The following OSBPL10 variants were observed in gnomAD, a reference collection of about 807,000 sequenced individuals.
The protein encoded by OSBPL10 is oxysterol-binding protein-related protein 10.
A neutral mutation model predicts 81.7 loss-of-function variants in OSBPL10; 49 were observed. The ratio of observed to expected loss-of-function variants is 0.60; its 90% confidence interval spans 0.48 to 0.76. The LOEUF (loss-of-function observed/expected upper bound fraction) is 0.76, where lower values mean the gene tolerates loss of function less well. OSBPL10 is among the 30% of genes least tolerant of loss of function. The probability of loss-of-function intolerance (pLI) is 0.00; values close to 1 mark genes in which losing one functional copy is unlikely to be tolerated. For missense variants in OSBPL10, 923 were observed against 987.8 expected (o/e 0.93, Z 0.88); for synonymous variants, 419 against 383.6 (o/e 1.09, Z -1.08).
At chr3:31,837,519 T>C (rs1292860641) in intron 3 of OSBPL10, among the ~76,000 whole-genome samples, 1 of 151,392 alleles carries the variant, frequency 6.6e-6, no homozygotes, top group African/African-American at 2.4e-5. Flanking sequence ...AAGTCATATT[T>C]AAGTTTTAAC....
At chr3:31,818,008 AG>A (rs1338320078) in intron 4 of OSBPL10, among the ~76,000 whole-genome samples, 1 of 152,124 alleles carries the variant, frequency 6.6e-6, no homozygotes, top group Non-Finnish European at 1.5e-5. Flanking sequence ...TGAGAGGCTG[AG>A]GTAGGAGGAT....
intron 6 of OSBPL10, among the ~76,000 whole-genome samples, chr3:31,719,939 G>T (rs751266709): frequency 1.3e-5 from 2 of 151,472 alleles, no homozygotes; most frequent in South Asian, 4.1e-4. Context: ...CAATCTCTAC[G>T]TACTGACAAG....
chr3:32,021,121 TTACCTCTTTA>T (rs142460123), intron 2 of OSBPL10, among the ~76,000 whole-genome samples: 23,488 of 152,064 alleles, frequency 0.15, 2,564 homozygotes, highest in East Asian at 0.32. Context: ...TTAACCTTAA[TTACCTCTTTA>T]AAAGCCCTGT....
At chr3:31,720,963 T>C (rs1040335560) in intron 6 of OSBPL10, among the ~76,000 whole-genome samples, 5 of 151,468 alleles carry the variant, frequency 3.3e-5, no homozygotes, top group Non-Finnish European at 7.4e-5. Flanking sequence ...GAAATTAAGG[T>C]TGCAAATGGA....
chr3:32,032,984 A>G (rs1575089316), intron 2 of OSBPL10, among the ~76,000 whole-genome samples: 1 of 152,236 alleles, frequency 6.6e-6, no homozygotes, highest in African/African-American at 2.4e-5. Flanking sequence ...CAGTCATTCC[A>G]GTTATTAATG....
chr3:32,033,470 C>T (rs1290616005), intron 2 of OSBPL10, among the ~76,000 whole-genome samples: 1 of 152,126 alleles, frequency 6.6e-6, no homozygotes, highest in Non-Finnish European at 1.5e-5. Flanking sequence ...TATCTCCTTT[C>T]TAGTAAAAGG....
chr3:31,671,038 G>T, intron 8 of OSBPL10, 55 bp from the exon 9 acceptor site: 2 of 1,469,186 alleles, frequency 1.4e-6, no homozygotes, highest in Non-Finnish European at 9.2e-7. Context: ...GAGGGCACTG[G>T]GGATCAGAAG....
chr3:31,661,469 C>G lies in OSBPL10; in HGVS notation c.*603G>C, dbSNP rs536006127. 1 of 152,348 alleles carries G rather than the reference C, an allele frequency of 6.6e-6. No individual in the cohort carries two copies. Among genetic ancestry groups the G allele is most frequent in the South Asian group, 2.1e-4 (1 of 4,824 alleles). The allele number at this position is 152,348 out of a possible 1,614,324, so 9.4% of individuals were successfully genotyped here. On this transcript the variant is annotated 3_prime_UTR_variant, in exon 12 of 12. Coordinates refer to ENST00000396556, the MANE Select transcript of OSBPL10 (RefSeq NM_017784.5). The stretch of plus-strand genomic sequence containing the variant: ...AGGCTCTGGCATAAATCTTTAACAG[C>G]TTCCTGCCAACCCCCATCCAGCAGG...
chr3:32,026,472 T>C (rs914420056), intron 2 of OSBPL10, among the ~76,000 whole-genome samples: 4 of 152,170 alleles, frequency 2.6e-5, no homozygotes, highest in Admixed American at 2.0e-4. Flanking sequence ...CTTCTTACTA[T>C]AGCTGGAGGA....
chr3:31,674,398 TTTTAAAAAAAA>T (rs1559409101), intron 8 of OSBPL10, among the ~76,000 whole-genome samples: 1 of 149,432 alleles, frequency 6.7e-6, no homozygotes, highest in African/African-American at 2.4e-5. Flanking sequence ...TATAAAAAAA[TTTTAAAAAAAA>T]ATTAGCTGTG....
chr3:31,850,437 C>T (rs1038891684), intron 3 of OSBPL10, among the ~76,000 whole-genome samples: 2 of 152,154 alleles, frequency 1.3e-5, no homozygotes, highest in Non-Finnish European at 1.5e-5. Context: ...TATGACCCCA[C>T]TTCCCCCTTT....
chr3:32,067,722 T>C (rs1699790485), intron 1 of OSBPL10, among the ~76,000 whole-genome samples: 1 of 152,158 alleles, frequency 6.6e-6, no homozygotes, highest in East Asian at 1.9e-4. Flanking sequence ...CCCTTGAGAA[T>C]GTACCTTGTG....
At position 31,749,952 on chromosome 3, in the gene OSBPL10, G is replaced by A. The variant is rs191574180; in HGVS notation, c.730-1832C>T. On this transcript the variant is annotated intron_variant, in intron 4 of 11. Transcript: ENST00000396556. The stretch of plus-strand genomic sequence containing the variant: ...TCCCAACACTTTGGGAGGCTAAGGC[G>A]GGTGGATCACTTGAGGTCAGGAGTT... 2.1e-3 allele frequency among the ~76,000 whole-genome samples: 322 copies of A among 151,940 alleles called. 5 individuals are homozygous for A. Among genetic ancestry groups the A allele is most frequent in the Admixed American group, 0.018 (268 of 15,272 alleles).
At chr3:31,794,988 T>C (rs949307920) in intron 4 of OSBPL10, 6 of 286,112 alleles carry the variant, frequency 2.1e-5, no homozygotes, top group Non-Finnish European at 4.4e-5. Context: ...TTATCTCTTA[T>C]GAGGTTGGGA....
At chr3:31,849,922 T>C (rs1192999740) in intron 3 of OSBPL10, among the ~76,000 whole-genome samples, 2 of 152,144 alleles carry the variant, frequency 1.3e-5, no homozygotes, top group Non-Finnish European at 2.9e-5. Flanking sequence ...CCCAGCACTT[T>C]GGGAGACCGA....
chr3:31,705,124 C>T (rs979038656), intron 6 of OSBPL10, among the ~76,000 whole-genome samples: 3 of 152,148 alleles, frequency 2.0e-5, no homozygotes, highest in Non-Finnish European at 4.4e-5. Context: ...GCACACTGCC[C>T]CTTGGTGGCA....
At chr3:31,973,086 G>T (rs755173992) in intron 1 of OSBPL10, among the ~76,000 whole-genome samples, 1 of 152,080 alleles carries the variant, frequency 6.6e-6, no homozygotes, top group Non-Finnish European at 1.5e-5. Flanking sequence ...GCCCCAAATC[G>T]CATCAGTGGG....
At chr3:31,738,614 C>T (rs1697258113) in intron 5 of OSBPL10, among the ~76,000 whole-genome samples, 1 of 152,138 alleles carries the variant, frequency 6.6e-6, no homozygotes, top group Non-Finnish European at 1.5e-5. Context: ...CTGTGCATTG[C>T]CTCATCTAAT....
intron 2 of OSBPL10, among the ~76,000 whole-genome samples, chr3:32,010,055 G>A (rs1022752891): frequency 3.3e-5 from 5 of 152,124 alleles, no homozygotes; most frequent in African/African-American, 1.2e-4. Flanking sequence ...TAACGGTAGG[G>A]CCCTAATCTA....
Sources: gnomAD v4.1 joint callset for allele counts (sites outside exome capture counted in the v4.1 genomes callset) on GRCh38, gnomAD v4.1.1 for gene constraint, MANE v1.5 for transcripts, NCBI Gene and HGNC (gene_info 2026-07-23, HGNC 2026-07-21) for gene names.